The following PHF14 variants were observed in gnomAD, a reference collection of about 807,000 sequenced individuals.
PHF14 encodes the protein PHD finger protein 14.
A neutral mutation model predicts 117.9 loss-of-function variants in PHF14; 55 were observed. That is an observed-to-expected ratio of 0.47 (90% CI 0.38 to 0.58). The LOEUF (loss-of-function observed/expected upper bound fraction) is 0.58. Ranked by LOEUF, PHF14 falls within the 20% of genes least tolerant of loss-of-function variation. The probability of loss-of-function intolerance (pLI) is 0.00; values close to 1 mark genes in which losing one functional copy is unlikely to be tolerated. For synonymous variants in PHF14, 409 were observed against 368.6 expected (o/e 1.11, Z -1.26); for missense variants, 978 against 1,122.2 (o/e 0.87, Z 1.84).
intron 17 of PHF14, 85 bp downstream of exon 17, chr7:11,111,552 A>AAGC: frequency 4.6e-6 from 3 of 658,144 alleles, no homozygotes; most frequent in Non-Finnish European, 5.4e-6. Flanking sequence ...TTCTTTAAAG[A>AAGC]TAATTGGAAT....
At chr7:11,063,519 T>G in intron 16 of PHF14, 1 of 980,932 alleles carries the variant, frequency 1.0e-6, no homozygotes, top group Non-Finnish European at 1.2e-6. Context: ...TTTGAAACAG[T>G]AGTTAAAAAC....
chr7:11,047,732 G>C (rs917276849), intron 13 of PHF14, among the ~76,000 whole-genome samples: 3 of 150,626 alleles, frequency 2.0e-5, no homozygotes, highest in Non-Finnish European at 4.4e-5. Flanking sequence ...GCTACAATGA[G>C]CTGAGATTGC....
intron 13 of PHF14, among the ~76,000 whole-genome samples, chr7:11,049,742 A>G (rs951019050): frequency 2.5e-4 from 38 of 152,144 alleles, no homozygotes; most frequent in African/African-American, 9.2e-4. Flanking sequence ...TATCATTTCA[A>G]TTCTGAGATT....
intron 17 of PHF14, among the ~76,000 whole-genome samples, chr7:11,155,820 T>G (rs1046687090): frequency 6.6e-6 from 1 of 152,106 alleles, no homozygotes; most frequent in African/African-American, 2.4e-5. Context: ...GCTAGCTAGT[T>G]GATGTTCAAT....
intron 16 of PHF14, among the ~76,000 whole-genome samples, chr7:11,072,640 G>A (rs1287206506): frequency 1.3e-5 from 2 of 152,174 alleles, no homozygotes; most frequent in African/African-American, 2.4e-5. Flanking sequence ...GCAAATAACA[G>A]CAACTCTGAT....
chr7:11,140,334 A>G (rs996251275), intron 17 of PHF14, among the ~76,000 whole-genome samples: 1 of 152,066 alleles, frequency 6.6e-6, no homozygotes, highest in Non-Finnish European at 1.5e-5. Context: ...TTTCAGCTTT[A>G]AAACAAATGT....
chr7:11,083,961 C>T (rs946780476), intron 16 of PHF14, among the ~76,000 whole-genome samples: 1 of 152,256 alleles, frequency 6.6e-6, no homozygotes, highest in South Asian at 2.1e-4. Context: ...TAGGTAGATT[C>T]AAGCAAAGTT....
intron 14 of PHF14, among the ~76,000 whole-genome samples, chr7:11,058,401 G>GA (rs553040147): frequency 9.4e-5 from 14 of 149,078 alleles, no homozygotes; most frequent in Admixed American, 2.7e-4. Context: ...ATTAAAACTA[G>GA]AAAAAAAAAA....
chr7:11,051,656 C>T lies in PHF14; in HGVS notation c.2357C>T (p.Ala786Val). The T allele has an allele frequency of 1.2e-6, 2 of 1,613,344 alleles. No individual in the cohort carries two copies. Among genetic ancestry groups the T allele is most frequent in the Non-Finnish European group, 1.7e-6 (2 of 1,179,532 alleles). The change falls in exon 14 of 18, where the codon GCA becomes GTA. Residue 786 changes from alanine to valine, a missense_variant. By Grantham distance (64) the Ala-to-Val change is moderately conservative. Coordinates refer to ENST00000634607, the MANE Select transcript of PHF14 (RefSeq NM_001007157.2). ...CAGGCAGGGAGCAGTGACATGGAAG[C>T]AGATATGGCCATGGAAACCCTACCA... ...CDQAGSSDME[A>V]DMAMETLPDG... is the part of the protein sequence containing the mutation.
At chr7:11,085,139 C>T (rs1023414563) in intron 16 of PHF14, among the ~76,000 whole-genome samples, 6 of 152,076 alleles carry the variant, frequency 3.9e-5, no homozygotes, top group African/African-American at 9.7e-5. Context: ...ATTATTTAGG[C>T]AGGAAATGCA....
chr7:10,974,978 G>C (rs1373224706), intron 2 of PHF14, 33 bp downstream of exon 2: 3 of 1,080,112 alleles, frequency 2.8e-6, no homozygotes, highest in Admixed American at 2.3e-5. Context: ...CCCTTTCCCA[G>C]CTTTCTGGAG....
At chr7:11,024,476 G>A (rs1003241333) in intron 6 of PHF14, among the ~76,000 whole-genome samples, 1 of 152,172 alleles carries the variant, frequency 6.6e-6, no homozygotes, top group African/African-American at 2.4e-5. Flanking sequence ...TAGCTAGAGA[G>A]GAGAAGTCAC....
At chr7:11,152,351 A>C (rs1236332366) in intron 17 of PHF14, among the ~76,000 whole-genome samples, 4 of 152,162 alleles carry the variant, frequency 2.6e-5, no homozygotes. Context: ...GCAGTTCCTG[A>C]GTGTCACCAA....
At chr7:10,997,302 C>A (rs1016191199) in intron 4 of PHF14, among the ~76,000 whole-genome samples, 31 of 151,926 alleles carry the variant, frequency 2.0e-4, no homozygotes, top group African/African-American at 7.0e-4. Flanking sequence ...TGAGAGAGTT[C>A]AAAGTGAGAA....
chr7:11,169,041 G>C (rs1429934272), intron 17 of PHF14, among the ~76,000 whole-genome samples: 2 of 151,568 alleles, frequency 1.3e-5, no homozygotes, highest in Non-Finnish European at 2.9e-5. Flanking sequence ...TATACTAGAT[G>C]GGGCAAAAAA....
intron 17 of PHF14, among the ~76,000 whole-genome samples, chr7:11,121,789 T>C (rs1182572749): frequency 6.6e-6 from 1 of 151,932 alleles, no homozygotes; most frequent in South Asian, 2.1e-4. Flanking sequence ...TGGGACAACA[T>C]GAGATTTCAT....
chr7:11,016,751 A>G (rs1244803842), intron 5 of PHF14, among the ~76,000 whole-genome samples: 1 of 152,070 alleles, frequency 6.6e-6, no homozygotes, highest in Non-Finnish European at 1.5e-5. Context: ...CAATCCAGTT[A>G]CCCTCTTTAA....
In PHF14 at chr7:11,169,426, ATGAAGC is replaced by A; in HGVS notation, c.2788_2793del (p.Ala930_Glu931del). On this transcript the variant is annotated inframe_deletion, in exon 18 of 18. Coordinates refer to ENST00000634607, the MANE Select transcript of PHF14 (RefSeq NM_001007157.2). ...AAATTTATTTCACAGGAAGATGAAA[ATGAAGC>A]TGAAAGAAAAAATATATCTCAGGAG... 1 of 1,457,100 alleles carries A rather than the reference ATGAAGC, an allele frequency of 6.9e-7. No homozygotes were observed. The highest frequency in any genetic ancestry group is 9.4e-7 in the Non-Finnish European group (1 of 1,064,862). 90.3% of individuals were successfully genotyped at this position (1,457,100 alleles called of 1,614,324 possible).
At chr7:11,105,718 T>C in intron 16 of PHF14, 3 of 984,680 alleles carry the variant, frequency 3.0e-6, no homozygotes, top group Non-Finnish European at 3.6e-6. Flanking sequence ...AGTGGAAGCC[T>C]CTTTCCCATA....
Sources: gnomAD v4.1 joint callset for allele counts (sites outside exome capture counted in the v4.1 genomes callset) on GRCh38, gnomAD v4.1.1 for gene constraint, MANE v1.5 for transcripts, NCBI Gene and HGNC (gene_info 2026-07-23, HGNC 2026-07-21) for gene names.